The following LRMDA variants were observed in gnomAD, a reference collection of about 807,000 sequenced individuals.
The protein encoded by LRMDA is leucine-rich melanocyte differentiation-associated protein.
A neutral mutation model predicts 29.8 loss-of-function variants in LRMDA; 18 were observed. That is an observed-to-expected ratio of 0.60 (90% CI 0.42 to 0.90). The LOEUF (loss-of-function observed/expected upper bound fraction) is 0.90. Among genes scored for constraint, LRMDA ranks in the 40% least tolerant of loss-of-function variants. The pLI, the probability that LRMDA is intolerant of heterozygous loss-of-function variation, is 0.00. For synonymous variants in LRMDA, 125 were observed against 109.4 expected (o/e 1.14, Z -0.89); for missense variants, 273 against 273.9 (o/e 1.00, Z 0.02).
At chr10:75,694,316 A>G (rs2132164117) in intron 2 of LRMDA, among the ~76,000 whole-genome samples, 1 of 152,286 alleles carries the variant, frequency 6.6e-6, no homozygotes, top group Non-Finnish European at 1.5e-5. Flanking sequence ...AACAGATCAA[A>G]ATGTTTGTAT....
chr10:75,451,725 G>C (rs1844463916), intron 2 of LRMDA: 1 of 151,786 alleles, frequency 6.6e-6, no homozygotes, highest in Admixed American at 6.6e-5. Flanking sequence ...CTTCTAAGGG[G>C]AAAAAAAGAA....
At chr10:76,472,971 C>T (rs1338581223) in intron 6 of LRMDA, among the ~76,000 whole-genome samples, 1 of 151,560 alleles carries the variant, frequency 6.6e-6, no homozygotes, top group East Asian at 1.9e-4. Context: ...AATGTTAATT[C>T]TTCACAAAGT....
chr10:76,168,570 G>A (rs1347318997), intron 5 of LRMDA, among the ~76,000 whole-genome samples: 1 of 152,002 alleles, frequency 6.6e-6, no homozygotes, highest in Non-Finnish European at 1.5e-5. Flanking sequence ...GTTTTAATCT[G>A]GTACTGAGTT....
At chr10:76,554,909 T>G (rs1020078303) in intron 6 of LRMDA, among the ~76,000 whole-genome samples, 4 of 151,990 alleles carry the variant, frequency 2.6e-5, no homozygotes, top group African/African-American at 9.7e-5. Flanking sequence ...TGTGTGTGTG[T>G]GTTTGCCTTT....
intron 6 of LRMDA, among the ~76,000 whole-genome samples, chr10:76,435,488 A>G (rs1170960885): frequency 6.6e-6 from 1 of 152,120 alleles, no homozygotes; most frequent in African/African-American, 2.4e-5. Flanking sequence ...GCTACCCATG[A>G]CTCTGAATCA....
chr10:75,783,413 T>C (rs1053985354), intron 2 of LRMDA, among the ~76,000 whole-genome samples: 2 of 151,824 alleles, frequency 1.3e-5, no homozygotes, highest in Admixed American at 6.6e-5. Flanking sequence ...AGGAATCTAG[T>C]TAATTTGGGA....
At chr10:75,959,172 T>C (rs968740220) in intron 2 of LRMDA, among the ~76,000 whole-genome samples, 77 of 152,160 alleles carry the variant, frequency 5.1e-4, no homozygotes, top group African/African-American at 1.9e-3. Flanking sequence ...CAAAAGGCTC[T>C]TAGAGAAAAC....
In LRMDA at chr10:75,837,760, T is replaced by TA. The variant is rs34216180; in HGVS notation, c.132-198237dup. Among the ~76,000 whole-genome samples the TA allele has an allele frequency of 4.4e-3, 657 of 150,186 alleles. 2 individuals carry two copies. Among genetic ancestry groups the TA allele is most frequent in the East Asian group, 0.018 (93 of 5,128 alleles). On this transcript the variant is annotated intron_variant, in intron 2 of 6. Coordinates refer to ENST00000611255, the MANE Select transcript of LRMDA (RefSeq NM_001305581.2). Reference sequence around the variant, plus strand: ...ACTATCTACTATTTACACATTAAAATAAAAAAAAAAATTCCAAGGCTCCTT... The same window carrying TA: ...ACTATCTACTATTTACACATTAAAATAAAAAAAAAAAATTCCAAGGCTCCTT...
chr10:76,277,005 A>G (rs1458908150), intron 5 of LRMDA, among the ~76,000 whole-genome samples: 2 of 152,122 alleles, frequency 1.3e-5, no homozygotes, highest in African/African-American at 4.8e-5. Flanking sequence ...TGTCCCGCAC[A>G]TCCAAATGCA....
chr10:76,243,292 G>T (rs1852311820), intron 5 of LRMDA, among the ~76,000 whole-genome samples: 1 of 152,230 alleles, frequency 6.6e-6, no homozygotes, highest in African/African-American at 2.4e-5. Context: ...AATTATAATA[G>T]AGTTCCCTGT....
rs142631649 is a variant in LRMDA, at chr10:75,438,586, A to G, written c.131+92A>G. The G allele has an allele frequency of 1.6e-4, 152 of 931,086 alleles. No individual in the cohort carries two copies. In the African/African-American group the frequency reaches 2.1e-3, roughly 13 times the overall value. The allele number at this position is 931,086 out of a possible 1,614,324, so 57.7% of individuals were successfully genotyped here. On this transcript the variant is annotated intron_variant, in intron 2 of 6. Transcript: ENST00000611255. ...AAGCAGATAAAAGTCAAATGTTCCA[A>G]CTCCACATGGGTTGTCCTTTTATTC... is the stretch of plus-strand genomic sequence containing the variant.
At chr10:75,939,018 C>T (rs151213566) in intron 2 of LRMDA, among the ~76,000 whole-genome samples, 4 of 152,278 alleles carry the variant, frequency 2.6e-5, no homozygotes, top group African/African-American at 7.2e-5. Context: ...AACCAGCGCT[C>T]GGCATGAAAT....
intron 2 of LRMDA, among the ~76,000 whole-genome samples, chr10:75,774,286 T>TAA (rs377044180): frequency 7.2e-4 from 110 of 152,360 alleles, no homozygotes; most frequent in African/African-American, 2.6e-3. Context: ...TTTCTCTTAA[T>TAA]GTCATTTTGG....
chr10:75,568,998 G>A (rs1471913805), intron 2 of LRMDA, among the ~76,000 whole-genome samples: 1 of 152,182 alleles, frequency 6.6e-6, no homozygotes, highest in Non-Finnish European at 1.5e-5. Context: ...ACAGAGCACT[G>A]TGGGAAGGGT....
intron 2 of LRMDA, among the ~76,000 whole-genome samples, chr10:75,835,316 T>C (rs1391871767): frequency 2.6e-5 from 4 of 152,198 alleles, no homozygotes; most frequent in Non-Finnish European, 5.9e-5. Flanking sequence ...TCTCTCAGTT[T>C]ACTGTTTTCA....
At chr10:75,708,832 C>T (rs1842401994) in intron 2 of LRMDA, among the ~76,000 whole-genome samples, 1 of 152,216 alleles carries the variant, frequency 6.6e-6, no homozygotes, top group Non-Finnish European at 1.5e-5. Context: ...AGCAGCAGCT[C>T]TCAGCATTCT....
At chr10:75,791,012 G>A (rs144206319) in intron 2 of LRMDA, among the ~76,000 whole-genome samples, 31 of 152,280 alleles carry the variant, frequency 2.0e-4, no homozygotes, top group African/African-American at 6.7e-4. Flanking sequence ...TTAAAACTCT[G>A]GTCTCAGCAG....
At chr10:75,935,303 G>T (rs561194016) in intron 2 of LRMDA, among the ~76,000 whole-genome samples, 3 of 152,320 alleles carry the variant, frequency 2.0e-5, no homozygotes, top group African/African-American at 7.2e-5. Context: ...AACAATGATT[G>T]TGTGGTTGAA....
At chr10:75,663,379 T>C (rs1374299007) in intron 2 of LRMDA, among the ~76,000 whole-genome samples, 4 of 152,206 alleles carry the variant, frequency 2.6e-5, no homozygotes, top group Non-Finnish European at 5.9e-5. Context: ...ATTACCAATG[T>C]CTAATTTAAC....
Sources: gnomAD v4.1 joint callset for allele counts (sites outside exome capture counted in the v4.1 genomes callset) on GRCh38, gnomAD v4.1.1 for gene constraint, MANE v1.5 for transcripts, NCBI Gene and HGNC (gene_info 2026-07-23, HGNC 2026-07-21) for gene names.